The following TNIP1 variants were observed in gnomAD, a reference collection of about 807,000 sequenced individuals.
TNIP1 encodes TNFAIP3 interacting protein 1.
Under a neutral mutation model 86.6 loss-of-function variants are expected in TNIP1, and 22 were observed. The observed-to-expected ratio is 0.25, with a 90% CI of 0.18 to 0.36. The LOEUF is 0.36. Ranked by LOEUF, TNIP1 falls within the 10% of genes least tolerant of loss-of-function variation. The pLI is 1.00. For synonymous variants in TNIP1, 294 were observed against 313.0 expected (o/e 0.94, Z 0.64); for missense variants, 709 against 820.6 (o/e 0.86, Z 1.66).
At chr5:151,062,042 C>A in intron 4 of TNIP1, 85 bp downstream of exon 4, 1 of 1,275,490 alleles carries the variant, frequency 7.8e-7, no homozygotes, top group Non-Finnish European at 1.1e-6. Context: ...TGACCTCAAC[C>A]CTCTTTCTTC....
upstream of TNIP1, among the ~76,000 whole-genome samples, chr5:151,082,360 A>G (rs1764086957): frequency 1.3e-5 from 2 of 152,118 alleles, no homozygotes. Context: ...AGCGATGCAA[A>G]CTCCAAAGCA....
intron 6 of TNIP1, among the ~76,000 whole-genome samples, chr5:151,053,101 CTTTTTTTTTTTTTT>C (rs11390788): frequency 3.5e-5 from 3 of 85,208 alleles, no homozygotes; most frequent in South Asian, 5.4e-4. Context: ...AACTGTTTCT[CTTTTTTTTTTTTTT>C]TTTTTTTTTT....
rs758583127 is a variant in TNIP1, at chr5:151,035,602, C to A, written c.1501G>T (p.Val501Phe). The A allele has an allele frequency of 2.5e-6, 4 of 1,614,188 alleles. No individual in the cohort carries two copies. The South Asian group carries it at 4.4e-5, about 18-fold the overall frequency. Reference sequence around the variant, plus strand: ...CTTACCTGGGCATTTGACAGGGTGACCTGGGCCTGCAGCTTCTCCACTTGC... The same window carrying A: ...CTTACCTGGGCATTTGACAGGGTGAACTGGGCCTGCAGCTTCTCCACTTGC... ...KKQVEKLQAQ[V>F]TLSNAQLKAF... The change falls in exon 14 of 18, where the codon GTC becomes TTC. Residue 501 changes from valine (V) to phenylalanine (F), a missense_variant. Transcript: ENST00000521591.
chr5:151,060,291 A>T lies in TNIP1; in HGVS notation c.435+27T>A, dbSNP rs748905187. On this transcript the variant is annotated intron_variant, in intron 5 of 17. Coordinates refer to ENST00000521591, the MANE Select transcript of TNIP1 (RefSeq NM_006058.5). ...AGGACACAAAGAGGGCAGCAGGTCA[A>T]GCCCGGGGTCCTGCCCGTCCACTCA... 8 of 1,613,092 alleles carry T rather than the reference A, an allele frequency of 5.0e-6. No homozygotes were observed. In the South Asian group the frequency reaches 7.7e-5, roughly 15 times the overall value.
chr5:151,049,720 G>C (rs1759651709), intron 8 of TNIP1, 104 bp downstream of exon 8: 23 of 1,369,278 alleles, frequency 1.7e-5, no homozygotes, highest in Non-Finnish European at 2.4e-5. Context: ...TCTACCACTG[G>C]CACTGGCTGC....
At chr5:151,035,203 G>A (rs1045819393) in intron 14 of TNIP1, 136 bp from the exon 15 acceptor site, 25 of 1,026,346 alleles carry the variant, frequency 2.4e-5, no homozygotes, top group Non-Finnish European at 3.6e-5. Context: ...GCCAGCCCCG[G>A]GAAAGGGCCC....
chr5:151,032,642 G>A (rs936426266), intron 16 of TNIP1: 5 of 506,968 alleles, frequency 9.9e-6, no homozygotes, highest in Non-Finnish European at 1.8e-5. Flanking sequence ...TCTCTTAAGC[G>A]CCATACTATA....
chr5:151,036,924 G>A lies in TNIP1; in HGVS notation c.1264-3C>T, dbSNP rs77700327. 6.3e-7 allele frequency: 1 copy of A among 1,595,494 alleles called. No individual in the cohort carries two copies. Among genetic ancestry groups the A allele is most frequent in the Admixed American group, 1.7e-5 (1 of 57,506 alleles). Reference sequence around the variant, plus strand: ...ATGCTCAGTGCTTCCTCCAGGGCCTGGAATCAGGAAAAGATGGGACCATCA... The same window carrying A: ...ATGCTCAGTGCTTCCTCCAGGGCCTAGAATCAGGAAAAGATGGGACCATCA... On this transcript the variant is annotated splice_polypyrimidine_tract_variant and splice_region_variant and intron_variant, in intron 12 of 17. Coordinates refer to ENST00000521591, the MANE Select transcript of TNIP1 (RefSeq NM_006058.5).
At chr5:151,050,608 T>C (rs1011127765) in intron 7 of TNIP1, among the ~76,000 whole-genome samples, 3 of 152,166 alleles carry the variant, frequency 2.0e-5, no homozygotes, top group Non-Finnish European at 2.9e-5. Context: ...AAATTAGTGA[T>C]GTGGATTCAG....
At chr5:151,085,616 G>C (rs1764245471), upstream of TNIP1, among the ~76,000 whole-genome samples, 1 of 152,202 alleles carries the variant, frequency 6.6e-6, no homozygotes, top group Admixed American at 6.5e-5. Flanking sequence ...GAAATTCCCA[G>C]CCTCGTCACA....
chr5:151,063,690 T>A lies in TNIP1; in HGVS notation c.194A>T (p.Glu65Val). The change falls in exon 3 of 18, where the codon GAG becomes GTG. Residue 65 changes from glutamate (E) to valine (V), a missense_variant. Glu to Val is a moderately radical substitution (Grantham distance 121). Coordinates refer to ENST00000521591, the MANE Select transcript of TNIP1 (RefSeq NM_006058.5). ...GAGCAGCTCGTTGTCCTTCACTAGC[T>A]CCTCTGCCTTCTGCCGGAGCCTGGT... ...EATRLRQKAE[E>V]LVKDNELLPP... is the part of the protein sequence containing the mutation. The A allele has an allele frequency of 6.2e-7, 1 of 1,614,058 alleles. No individual in the cohort carries two copies. Among genetic ancestry groups the A allele is most frequent in the South Asian group, 1.1e-5 (1 of 91,080 alleles).
At chr5:151,084,685 A>G (rs1390827727), upstream of TNIP1, among the ~76,000 whole-genome samples, 1 of 152,182 alleles carries the variant, frequency 6.6e-6, no homozygotes, top group Non-Finnish European at 1.5e-5. Flanking sequence ...CATTAGGAGA[A>G]TGAGTGAATC....
Position 151,036,897 on chromosome 5 carries a change from G to A in TNIP1, c.1288C>T (p.Gln430Ter). Residue 430 changes from glutamine to a stop codon, truncating the protein, a stop_gained, in exon 13 of 18, where the codon CAA becomes TAA. Transcript: ENST00000521591. LOFTEE classifies it high-confidence loss of function. Reference sequence around the variant, plus strand: ...GTTGGTGGAGATGATGGCGGGGTTTGGATGCTCAGTGCTTCCTCCAGGGCC... The same window carrying A: ...GTTGGTGGAGATGATGGCGGGGTTTAGATGCTCAGTGCTTCCTCCAGGGCC... ...NKALEEALSI[Q>*]TPPSSPPTAF... 1 of 1,611,744 alleles carries A rather than the reference G, an allele frequency of 6.2e-7. No homozygotes were observed. The highest frequency in any genetic ancestry group is 8.5e-7 in the Non-Finnish European group (1 of 1,178,848).
At chr5:151,048,436 T>C (rs1362503913) in intron 8 of TNIP1, among the ~76,000 whole-genome samples, 1 of 152,148 alleles carries the variant, frequency 6.6e-6, no homozygotes, top group Non-Finnish European at 1.5e-5. Flanking sequence ...CCTAGGAGTC[T>C]TATGTGACTT....
rs573714869 is a variant in TNIP1 at position 151,043,896 on chromosome 5, C to G, written c.937-935G>C. ...ATAACAATTCCTCAGGGAAGAAAAA[C>G]AACCCTACATCATCAACTAAATAAA... On this transcript the variant is annotated intron_variant, in intron 9 of 17. Transcript: ENST00000521591. Among the ~76,000 whole-genome samples the G allele has an allele frequency of 1.2e-3, 176 of 152,096 alleles. 2 individuals carry two copies. Among genetic ancestry groups the G allele is most frequent in the South Asian group, 8.5e-3 (41 of 4,818 alleles).
At chr5:151,084,725 G>A (rs903910840), upstream of TNIP1, among the ~76,000 whole-genome samples, 7 of 152,144 alleles carry the variant, frequency 4.6e-5, no homozygotes, top group African/African-American at 1.2e-4. Flanking sequence ...AATGGAACTC[G>A]GGAGCAGCTA....
At chr5:151,031,708 C>T (rs780200575) in intron 17 of TNIP1, among the ~76,000 whole-genome samples, 1 of 152,214 alleles carries the variant, frequency 6.6e-6, no homozygotes, top group African/African-American at 2.4e-5. Context: ...CTACCTTGTT[C>T]TTGGCTCCAG....
chr5:151,059,828 A>AGAGAGTGT (rs1554076446), intron 5 of TNIP1, among the ~76,000 whole-genome samples: 149 of 56,280 alleles, frequency 2.6e-3, no homozygotes, highest in Admixed American at 5.1e-3. Flanking sequence ...AGAGAGAGAG[A>AGAGAGTGT]GTGTGTGTGT....
chr5:151,056,544 G>T (rs1274834952), intron 6 of TNIP1, among the ~76,000 whole-genome samples: 1 of 152,044 alleles, frequency 6.6e-6, no homozygotes, highest in Non-Finnish European at 1.5e-5. Context: ...CATGACACTC[G>T]CATTGCCCAT....
Sources: allele counts gnomAD v4.1 joint callset (sites outside exome capture counted in the v4.1 genomes callset), GRCh38; gene constraint gnomAD v4.1.1; transcripts MANE v1.5; gene names NCBI Gene and HGNC (gene_info 2026-07-23, HGNC 2026-07-21).